Variants in TIAM2 observed in about 807,000 individuals in gnomAD.
TIAM2 encodes TIAM Rac1 associated GEF 2.
TIAM2 carries 80 observed loss-of-function variants against 152.9 expected under a neutral mutation model. The observed-to-expected ratio is 0.52, with a 90% CI of 0.44 to 0.63. TIAM2 has a LOEUF of 0.63. Among genes scored for constraint, TIAM2 ranks in the 30% least tolerant of loss-of-function variants. The probability of loss-of-function intolerance (pLI) is 0.00; values close to 1 mark genes in which losing one functional copy is unlikely to be tolerated. For synonymous variants in TIAM2, 804 were observed against 838.0 expected (o/e 0.96, Z 0.70); for missense variants, 1,965 against 2,120.1 (o/e 0.93, Z 1.44).
rs1269336024 is a variant in TIAM2 at position 155,156,241 on chromosome 6, G to A, written c.2028+7907G>A. On this transcript the variant is annotated intron_variant, in intron 7 of 26. Coordinates refer to ENST00000682666, the MANE Select transcript of TIAM2 (RefSeq NM_012454.4). The surrounding 1 kb of genome is among the most constrained non-coding windows in gnomAD (Gnocchi z 4.4). ...TGTGGTTTTAGGTAGGTGGTGAGAG[G>A]TAGACAGGGGAAGTAGGACTGTCTG... Among the ~76,000 whole-genome samples the A allele has an allele frequency of 6.6e-6, 1 of 152,152 alleles. No homozygotes were observed. The highest frequency in any genetic ancestry group is 2.4e-5 in the African/African-American group (1 of 41,436).
In TIAM2 at chr6:155,245,678, T is replaced by C; in HGVS notation, c.3599T>C (p.Leu1200Pro). 1 of 1,614,056 alleles carries C rather than the reference T, an allele frequency of 6.2e-7. No homozygotes were observed. Among genetic ancestry groups the C allele is most frequent in the Non-Finnish European group, 8.5e-7 (1 of 1,179,970 alleles). Residue 1200 changes from leucine (L) to proline (P), a missense_variant, in exon 19 of 27, where the codon CTG (leucine) becomes CCG (proline). Leu to Pro is a moderately conservative substitution (Grantham distance 98, BLOSUM62 -3). This residue lies in a region of TIAM2 where 935 missense variants were observed against 980.0 expected (regional missense o/e 0.95). Coordinates refer to ENST00000682666, the MANE Select transcript of TIAM2 (RefSeq NM_012454.4). Reference sequence around the variant, plus strand: ...CTTTATTACGCGGACCACTTTAAACTGTACAGTGGATTCTGTGCTAACCAT... The same window carrying C: ...CTTTATTACGCGGACCACTTTAAACCGTACAGTGGATTCTGTGCTAACCAT... The part of the protein sequence containing the change: ...SFLYYADHFK[L>P]YSGFCANHIK...
intron 15 of TIAM2, among the ~76,000 whole-genome samples, chr6:155,229,153 CTT>C (rs1034797065): frequency 6.6e-6 from 1 of 152,206 alleles, no homozygotes; most frequent in African/African-American, 2.4e-5. Context: ...GCCCTCGCCA[CTT>C]TATTGAGATA....
intron 9 of TIAM2, among the ~76,000 whole-genome samples, chr6:155,167,165 A>G (rs77725003): frequency 0.1 from 15,830 of 152,144 alleles, 901 homozygotes; most frequent in Middle Eastern, 0.16. Context: ...CACCATGTTT[A>G]TATACTCATA....
intron 1 of TIAM2, among the ~76,000 whole-genome samples, chr6:155,059,282 CTGTGTGTGTGTCTGTGTG>C (rs1239921821): frequency 2.4e-4 from 34 of 144,206 alleles, no homozygotes; most frequent in African/African-American, 5.6e-4. Context: ...ATGTCCCTTT[CTGTGTGTGTGTCTGTGTG>C]TGTGTGTGTG....
At chr6:155,111,298 TACAC>T (rs57988099) in intron 2 of TIAM2, among the ~76,000 whole-genome samples, 10,043 of 138,314 alleles carry the variant, frequency 0.073, 364 homozygotes, top group Middle Eastern at 0.17. Context: ...ATTCTTGGAA[TACAC>T]ACACACACAC....
At position 155,176,970 on chromosome 6, in the gene TIAM2, CA is replaced by C; in HGVS notation, c.2517del (p.Cys840AlafsTer3). On this transcript the variant is annotated frameshift_variant, in exon 10 of 27. Transcript: ENST00000682666. LOFTEE classifies it high-confidence loss of function. ...EHRVEDILTL[A>X]CKMRQLEPSH... ...AGAGTAGAAGATATTTTGACTTTGG[CA>C]TGCAAGGTAACGGATTTTGCTGCAG... is the stretch of plus-strand genomic sequence containing the variant. 4 of 1,606,108 alleles carry C rather than the reference CA, an allele frequency of 2.5e-6. No homozygotes were observed. The highest frequency in any genetic ancestry group is 3.4e-6 in the Non-Finnish European group (4 of 1,177,308).
intron 14 of TIAM2, among the ~76,000 whole-genome samples, chr6:155,208,797 C>T (rs1209581287): frequency 6.6e-6 from 1 of 152,224 alleles, no homozygotes; most frequent in East Asian, 1.9e-4. Context: ...GTCCTTACAC[C>T]TTGTACCTGT....
chr6:155,115,889 C>A (rs1778998501), intron 2 of TIAM2, among the ~76,000 whole-genome samples: 1 of 152,126 alleles, frequency 6.6e-6, no homozygotes, highest in Non-Finnish European at 1.5e-5. Context: ...AGGTGGGCGG[C>A]TCACCTGAGA....
intron 14 of TIAM2, among the ~76,000 whole-genome samples, chr6:155,207,316 T>C (rs1270656074): frequency 6.6e-6 from 1 of 152,234 alleles, no homozygotes; most frequent in Non-Finnish European, 1.5e-5. Flanking sequence ...ACCCTCCTTT[T>C]ACGGGGATAC....
intron 4 of TIAM2, 130 bp from the exon 5 acceptor site, chr6:155,137,047 T>C: frequency 1.0e-6 from 1 of 989,646 alleles, no homozygotes; most frequent in Non-Finnish European, 1.5e-6. Context: ...TAAAGATGTA[T>C]TTTTGTTACA....
chr6:155,120,836 T>C (rs532156497), intron 2 of TIAM2, among the ~76,000 whole-genome samples: 1 of 152,312 alleles, frequency 6.6e-6, no homozygotes, highest in Admixed American at 6.5e-5. Context: ...ACCAAAAATA[T>C]TCCCAGACAT....
rs199740704 is a variant in TIAM2, at chr6:155,248,186, C to T, written c.3832+7C>T. On this transcript the variant is annotated splice_region_variant and intron_variant, in intron 20 of 26. Transcript: ENST00000682666. Reference sequence around the variant, plus strand: ...GAGCACTACCACCTGACGGGTGAGGCGGCGGCGGCACCTCCGGGCGAGGGC... The same window carrying T: ...GAGCACTACCACCTGACGGGTGAGGTGGCGGCGGCACCTCCGGGCGAGGGC... 7.3e-5 allele frequency: 117 copies of T among 1,610,966 alleles called. 1 individual carries two copies. In the East Asian group the frequency reaches 2.2e-3, roughly 30 times the overall value.
chr6:155,013,845 A>G (rs549924385), intron 1 of TIAM2: 8 of 151,778 alleles, frequency 5.3e-5, no homozygotes, highest in African/African-American at 1.9e-4. Context: ...TGAAACTTGG[A>G]TTCTAATTAT....
chr6:155,198,292 C>T (rs1365062353), intron 14 of TIAM2, among the ~76,000 whole-genome samples: 3 of 152,234 alleles, frequency 2.0e-5, no homozygotes, highest in East Asian at 3.8e-4. Flanking sequence ...GTTTCAGACA[C>T]AGCAGCCAGC....
At chr6:155,028,637 TTATA>T (rs1299690742) in intron 1 of TIAM2, among the ~76,000 whole-genome samples, 1 of 116,554 alleles carries the variant, frequency 8.6e-6, no homozygotes, top group Admixed American at 9.6e-5. Context: ...ATATACTGTG[TTATA>T]TATATACTAC....
At chr6:155,179,677 T>G (rs1221007461) in intron 12 of TIAM2, among the ~76,000 whole-genome samples, 1 of 152,240 alleles carries the variant, frequency 6.6e-6, no homozygotes, top group East Asian at 1.9e-4. Flanking sequence ...AGTAATTAAA[T>G]GGAATGAATA....
At chr6:155,169,101 T>C (rs1269763982) in intron 9 of TIAM2, among the ~76,000 whole-genome samples, 1 of 152,166 alleles carries the variant, frequency 6.6e-6, no homozygotes, top group Non-Finnish European at 1.5e-5. Flanking sequence ...GTTCATGCCA[T>C]TCTCCTGCCT....
At chr6:155,152,413 G>A (rs1779995592) in intron 7 of TIAM2, among the ~76,000 whole-genome samples, 1 of 152,174 alleles carries the variant, frequency 6.6e-6, no homozygotes, top group Non-Finnish European at 1.5e-5. Flanking sequence ...TCACAGCCAG[G>A]GGGCGTTCAG....
At chr6:155,110,523 T>C (rs1412788583) in intron 2 of TIAM2, among the ~76,000 whole-genome samples, 2 of 152,148 alleles carry the variant, frequency 1.3e-5, no homozygotes, top group Non-Finnish European at 2.9e-5. Flanking sequence ...CAGAGAGAAT[T>C]TTAGGTGCAC....
Sources: gnomAD v4.1 joint callset for allele counts (sites outside exome capture counted in the v4.1 genomes callset) on GRCh38, gnomAD v4.1.1 for gene constraint, gnomAD v4.1.1 regional missense constraint, Gnocchi (gnomAD v3.1) non-coding constraint, MANE v1.5 for transcripts, NCBI Gene and HGNC (gene_info 2026-07-23, HGNC 2026-07-21) for gene names.